Variants in TSGA10 observed in about 807,000 individuals in gnomAD.
TSGA10 encodes testis specific 10.
Under a neutral mutation model 96.6 loss-of-function variants are expected in TSGA10, and 43 were observed. That is an observed-to-expected ratio of 0.44 (90% CI 0.35 to 0.57). The LOEUF (loss-of-function observed/expected upper bound fraction) is 0.57, where lower values mean the gene tolerates loss of function less well. Among genes scored for constraint, TSGA10 ranks in the 20% least tolerant of loss-of-function variants. The probability of loss-of-function intolerance (pLI) is 0.01; values close to 1 mark genes in which losing one functional copy is unlikely to be tolerated. For synonymous variants in TSGA10, 229 were observed against 269.9 expected, an observed-to-expected ratio of 0.85 and a Z score of 1.48; for missense variants, 703 against 834.4, an observed-to-expected ratio of 0.84 and a Z score of 1.94.
intron 20 of TSGA10, among the ~76,000 whole-genome samples, chr2:99,001,568 G>A (rs969936885): frequency 4.6e-5 from 7 of 152,202 alleles, no homozygotes; most frequent in African/African-American, 7.2e-5. Flanking sequence ...AAATCAGAGT[G>A]TCTCTTCTCC....
At chr2:99,018,913 T>C (rs2079769769) in intron 18 of TSGA10, among the ~76,000 whole-genome samples, 1 of 152,200 alleles carries the variant, frequency 6.6e-6, no homozygotes, top group South Asian at 2.1e-4. Context: ...ATATTATACA[T>C]CATCTGTCTA....
chr2:99,120,503 C>T (rs2092513867), intron 2 of TSGA10, among the ~76,000 whole-genome samples: 1 of 152,092 alleles, frequency 6.6e-6, no homozygotes, highest in African/African-American at 2.4e-5. Context: ...GTTAAAGGGA[C>T]AGAATGCCTA....
intron 16 of TSGA10, among the ~76,000 whole-genome samples, chr2:99,040,778 C>A (rs1420340087): frequency 6.6e-6 from 1 of 151,698 alleles, no homozygotes; most frequent in African/African-American, 2.4e-5. Context: ...ACCTAAACAT[C>A]CTAAAATTCG....
At chr2:99,010,927 G>A (rs765310966) in intron 20 of TSGA10, among the ~76,000 whole-genome samples, 20 of 152,198 alleles carry the variant, frequency 1.3e-4, no homozygotes, top group Non-Finnish European at 2.4e-4. Context: ...AGCTGGGCAA[G>A]GCCTCTTGCT....
Position 99,090,845 on chromosome 2 carries a change from G to A in TSGA10, c.612-9448C>T, listed in dbSNP as rs569869433. Among the ~76,000 whole-genome samples, 36 of 152,294 alleles carry A rather than the reference G, an allele frequency of 2.4e-4. No homozygotes were observed. The South Asian group carries it at 7.0e-3, about 30-fold the overall frequency. On this transcript the variant is annotated intron_variant, in intron 10 of 20. Transcript: ENST00000393483. Reference sequence around the variant, plus strand: ...AGAGAAATCTAAAAGCATGGGAAACGTATTTGGGGGAATAATTGAAGAAAA... The same window carrying A: ...AGAGAAATCTAAAAGCATGGGAAACATATTTGGGGGAATAATTGAAGAAAA...
intron 8 of TSGA10, 40 bp downstream of exon 8, chr2:99,105,485 TTG>T (rs1186013542): frequency 6.2e-7 from 1 of 1,613,382 alleles, no homozygotes; most frequent in Non-Finnish European, 8.5e-7. Flanking sequence ...ATCCCTGAAT[TTG>T]TGTTTCACAT....
chr2:99,012,849 A>T (rs897569542), intron 20 of TSGA10, among the ~76,000 whole-genome samples: 1 of 152,222 alleles, frequency 6.6e-6, no homozygotes, highest in Non-Finnish European at 1.5e-5. Context: ...TTTACAGAAC[A>T]TTCTACCCAA....
At chr2:99,115,990 A>G (rs2092233724) in intron 4 of TSGA10, among the ~76,000 whole-genome samples, 1 of 152,236 alleles carries the variant, frequency 6.6e-6, no homozygotes, top group Admixed American at 6.5e-5. Flanking sequence ...GAGGTCATCA[A>G]TTGGACTCAT....
intron 1 of TSGA10, among the ~76,000 whole-genome samples, chr2:99,131,005 G>C (rs2093053844): frequency 6.6e-6 from 1 of 151,910 alleles, no homozygotes; most frequent in Non-Finnish European, 1.5e-5. Flanking sequence ...TATCTGTTTT[G>C]GTACCAGTAC....
chr2:99,101,244 CAAAAAAAAAAAA>C (rs869263270), intron 10 of TSGA10, among the ~76,000 whole-genome samples: 5 of 24,348 alleles, frequency 2.1e-4, no homozygotes, highest in African/African-American at 2.1e-4. Context: ...GACTCTGTCT[CAAAAAAAAAAAA>C]AAAAAAAAAA....
chr2:99,078,878 A>G, intron 11 of TSGA10, 65 bp from the exon 12 acceptor site: 1 of 1,387,744 alleles, frequency 7.2e-7, no homozygotes, highest in South Asian at 1.4e-5. Context: ...TTTCAAGCAG[A>G]TTATCGTACT....
At chr2:99,029,327 T>C (rs534672486) in intron 17 of TSGA10, among the ~76,000 whole-genome samples, 10 of 152,230 alleles carry the variant, frequency 6.6e-5, no homozygotes, top group African/African-American at 2.4e-4. Flanking sequence ...AGTTAGTTAA[T>C]AGATATGGTA....
chr2:99,104,010 C>T lies in TSGA10; in HGVS notation c.568G>A (p.Glu190Lys), dbSNP rs545440386. 287 of 1,614,076 alleles carry T rather than the reference C, an allele frequency of 1.8e-4. 1 individual carries two copies. In the South Asian group the frequency reaches 2.9e-3, roughly 16 times the overall value. ...KSLARKAMDT[E>K]SELGRQKAEN... ...GCTTTTTGTCTGCCAAGTTCACTTTCGGTATCCATTGCCTTTCTTGCTAGT... is the reference window on the plus strand; with the variant it reads ...GCTTTTTGTCTGCCAAGTTCACTTTTGGTATCCATTGCCTTTCTTGCTAGT... Residue 190 changes from glutamate to lysine, a missense_variant, in exon 10 of 21, where the codon GAA (glutamate) becomes AAA (lysine). Glu to Lys is a moderately conservative substitution (Grantham distance 56). This residue lies in a region of TSGA10 where 585 missense variants were observed against 656.8 expected (regional missense o/e 0.89). Transcript: ENST00000393483.
intron 10 of TSGA10, among the ~76,000 whole-genome samples, chr2:99,098,912 C>T (rs927279092): frequency 1.3e-5 from 2 of 152,076 alleles, no homozygotes; most frequent in African/African-American, 2.4e-5. Context: ...TCTACAACTC[C>T]AATCTTATAC....
intron 6 of TSGA10, 94 bp from the exon 7 acceptor site, chr2:99,109,085 A>G (rs1193534525): frequency 1.1e-6 from 1 of 933,308 alleles, no homozygotes; most frequent in Non-Finnish European, 1.5e-6. Flanking sequence ...ATTTAAGAAA[A>G]TAAGACTATA....
intron 14 of TSGA10, 82 bp from the exon 15 acceptor site, chr2:99,069,080 A>T (rs2085620821): frequency 1.7e-6 from 1 of 581,502 alleles, no homozygotes; most frequent in Non-Finnish European, 2.8e-6. Context: ...AAATTTTTAA[A>T]CACTTGGAAC....
In TSGA10 at chr2:99,011,235, C is replaced by T. The variant is rs74626074; in HGVS notation, c.2072+6965G>A. On this transcript the variant is annotated intron_variant, in intron 20 of 20. Coordinates refer to ENST00000393483, the MANE Select transcript of TSGA10 (RefSeq NM_025244.4). The stretch of plus-strand genomic sequence containing the variant: ...GCAACCTCCGACACCCGGGTTCAAG[C>T]GATTCTCCTGCCTCAGCCTCCCAAG... Among the ~76,000 whole-genome samples, 628 of 152,264 alleles carry T rather than the reference C, an allele frequency of 4.1e-3. 5 individuals carry two copies. The highest frequency in any genetic ancestry group is 0.014 in the African/African-American group (597 of 41,552).
rs918645481 is a variant in TSGA10 at position 99,149,307 on chromosome 2, A to T, written c.-621+5386T>A. ...GGGCTTTCTCAAACCTTTTCTGTAC[A>T]GGAAGCCTGTCCCTTCTGCCATCCT... On this transcript the variant is annotated intron_variant, in intron 1 of 20. Transcript: ENST00000393483. Among the ~76,000 whole-genome samples the T allele has an allele frequency of 4.6e-5, 7 of 152,214 alleles. No homozygotes were observed. The East Asian group carries it at 1.4e-3, about 29-fold the overall frequency.
intron 20 of TSGA10, among the ~76,000 whole-genome samples, chr2:99,002,063 C>T (rs113936345): frequency 2.0e-5 from 3 of 152,164 alleles, no homozygotes; most frequent in Admixed American, 6.5e-5. Flanking sequence ...AAACACTCTG[C>T]GGGATATTAT....
Sources: allele counts gnomAD v4.1 joint callset (sites outside exome capture counted in the v4.1 genomes callset), GRCh38; gene constraint gnomAD v4.1.1; regional missense constraint gnomAD v4.1.1; transcripts MANE v1.5; gene names NCBI Gene and HGNC (gene_info 2026-07-23, HGNC 2026-07-21).